TBC1D15: variants seen among roughly 807,000 people sequenced by gnomAD.
The protein encoded by TBC1D15 is TBC1 domain family member 15, also known as GAP for RAB7.
TBC1D15 carries 39 observed loss-of-function variants against 95.4 expected under a neutral mutation model. The observed-to-expected ratio is 0.41, with a 90% CI of 0.32 to 0.53. TBC1D15 has a LOEUF of 0.53. Among genes scored for constraint, TBC1D15 ranks in the 20% least tolerant of loss-of-function variants. The probability of loss-of-function intolerance (pLI) is 0.29; values close to 1 mark genes in which losing one functional copy is unlikely to be tolerated. For synonymous variants in TBC1D15, 258 were observed against 261.3 expected, an observed-to-expected ratio of 0.99 and a Z score of 0.12; for missense variants, 733 against 794.3, an observed-to-expected ratio of 0.92 and a Z score of 0.93.
At chr12:71,895,594 A>C (rs1267955776) in intron 7 of TBC1D15, among the ~76,000 whole-genome samples, 1 of 152,092 alleles carries the variant, frequency 6.6e-6, no homozygotes, top group Non-Finnish European at 1.5e-5. Flanking sequence ...CTTTTTAAAT[A>C]ATACAGCATA....
At chr12:71,911,253 C>G (rs1464827827) in intron 11 of TBC1D15, among the ~76,000 whole-genome samples, 1 of 152,060 alleles carries the variant, frequency 6.6e-6, no homozygotes. Context: ...TACCATTTGA[C>G]CCAGCCATCC....
chr12:71,885,873 C>A (rs1271095730), intron 5 of TBC1D15, among the ~76,000 whole-genome samples: 1 of 151,994 alleles, frequency 6.6e-6, no homozygotes, highest in Non-Finnish European at 1.5e-5. Flanking sequence ...GGGAAGAGTA[C>A]AAACATGATG....
intron 1 of TBC1D15, among the ~76,000 whole-genome samples, chr12:71,863,092 T>C (rs1344968578): frequency 3.3e-5 from 5 of 152,118 alleles, no homozygotes; most frequent in African/African-American, 1.2e-4. Flanking sequence ...AAAAATCTGC[T>C]TTTAGGCCGG....
intron 12 of TBC1D15, among the ~76,000 whole-genome samples, chr12:71,916,900 G>C (rs1903835489): frequency 6.6e-6 from 1 of 152,072 alleles, no homozygotes; most frequent in African/African-American, 2.4e-5. Context: ...AAGAGTTTTT[G>C]TTTATGTGGG....
chr12:71,886,580 C>A (rs1436105454), intron 5 of TBC1D15, among the ~76,000 whole-genome samples: 1 of 152,192 alleles, frequency 6.6e-6, no homozygotes, highest in Admixed American at 6.5e-5. Context: ...AGAAGTGATA[C>A]AAAAACTGGA....
At chr12:71,896,629 T>C in intron 8 of TBC1D15, 48 bp from the exon 9 acceptor site, 2 of 1,492,162 alleles carry the variant, frequency 1.3e-6, no homozygotes, top group Non-Finnish European at 1.8e-6. Flanking sequence ...GAACTTACAG[T>C]ATTACATTCT....
chr12:71,917,411 G>A (rs916213060), intron 12 of TBC1D15, among the ~76,000 whole-genome samples: 5 of 152,142 alleles, frequency 3.3e-5, no homozygotes, highest in African/African-American at 1.2e-4. Flanking sequence ...CTTTTATGCT[G>A]TGTAAGAAAT....
intron 16 of TBC1D15, among the ~76,000 whole-genome samples, chr12:71,921,728 T>G (rs1046692525): frequency 6.6e-6 from 1 of 152,208 alleles, no homozygotes; most frequent in African/African-American, 2.4e-5. Context: ...AGCAATGATA[T>G]ATTACCCAGT....
chr12:71,901,467 G>A (rs1056158650), intron 10 of TBC1D15, among the ~76,000 whole-genome samples: 1 of 152,104 alleles, frequency 6.6e-6, no homozygotes, highest in Non-Finnish European at 1.5e-5. Context: ...AATATGTTGA[G>A]TTGAATGTGG....
intron 1 of TBC1D15, among the ~76,000 whole-genome samples, chr12:71,846,855 G>T (rs1191316362): frequency 6.7e-6 from 1 of 149,810 alleles, no homozygotes; most frequent in Non-Finnish European, 1.5e-5. Context: ...CCGCCTCCTG[G>T]GCTCTAGTGA....
intron 1 of TBC1D15, among the ~76,000 whole-genome samples, chr12:71,853,724 T>TTGG (rs763607718): frequency 7.9e-5 from 12 of 152,222 alleles, no homozygotes; most frequent in Non-Finnish European, 1.3e-4. Flanking sequence ...CTTAAGTTGC[T>TTGG]TGGAGTCAGT....
At chr12:71,902,783 A>G (rs1008850278) in intron 10 of TBC1D15, among the ~76,000 whole-genome samples, 3 of 152,220 alleles carry the variant, frequency 2.0e-5, no homozygotes, top group Non-Finnish European at 4.4e-5. Context: ...CAACAGGGTA[A>G]ACAGACAAGC....
intron 3 of TBC1D15, among the ~76,000 whole-genome samples, chr12:71,873,867 C>T (rs1355572989): frequency 6.6e-6 from 1 of 152,180 alleles, no homozygotes; most frequent in African/African-American, 2.4e-5. Flanking sequence ...GACTAGAAGT[C>T]AGCAATCAAG....
chr12:71,861,597 G>A (rs1445582248), intron 1 of TBC1D15: 1 of 1,094,572 alleles, frequency 9.1e-7, no homozygotes, highest in Non-Finnish European at 1.2e-6. Flanking sequence ...TTTTTTTCTT[G>A]GTTTGTATAA....
intron 7 of TBC1D15, 139 bp downstream of exon 7, chr12:71,895,022 A>G (rs1897889375): frequency 4.3e-6 from 3 of 696,454 alleles, no homozygotes; most frequent in Non-Finnish European, 4.7e-6. Context: ...ATATCTGACA[A>G]TGAGTGCTTG....
At chr12:71,841,667 C>G (rs915311124) in intron 1 of TBC1D15, among the ~76,000 whole-genome samples, 6 of 152,182 alleles carry the variant, frequency 3.9e-5, no homozygotes, top group Non-Finnish European at 7.3e-5. Flanking sequence ...TTACTATCAG[C>G]GCATAGTTCA....
At chr12:71,858,001 C>T (rs543535385) in intron 1 of TBC1D15, among the ~76,000 whole-genome samples, 2 of 152,278 alleles carry the variant, frequency 1.3e-5, no homozygotes, top group South Asian at 2.1e-4. Flanking sequence ...ATCCATGTTA[C>T]TGCAAACGAC....
At chr12:71,901,423 A>G (rs1899372135) in intron 10 of TBC1D15, among the ~76,000 whole-genome samples, 1 of 152,182 alleles carries the variant, frequency 6.6e-6, no homozygotes, top group Non-Finnish European at 1.5e-5. Context: ...TTAGACTTTA[A>G]TTTTGAGATG....
intron 1 of TBC1D15, chr12:71,861,447 G>A: frequency 6.5e-7 from 1 of 1,529,056 alleles, no homozygotes. Flanking sequence ...AGTAGTATGT[G>A]TCCAGGACTT....
Sources: allele counts gnomAD v4.1 joint callset (sites outside exome capture counted in the v4.1 genomes callset), GRCh38; gene constraint gnomAD v4.1.1; transcripts MANE v1.5; gene names NCBI Gene and HGNC (gene_info 2026-07-23, HGNC 2026-07-21).